KIF1C: variants seen among roughly 807,000 people sequenced by gnomAD.
KIF1C encodes kinesin-like protein KIF1C.
A neutral mutation model predicts 126.5 loss-of-function variants in KIF1C; 61 were observed. That is an observed-to-expected ratio of 0.48 (90% CI 0.39 to 0.60). The LOEUF (loss-of-function observed/expected upper bound fraction) is 0.60. Ranked by LOEUF, KIF1C falls within the 20% of genes least tolerant of loss-of-function variation. KIF1C has a pLI of 0.00. For synonymous variants in KIF1C, 640 were observed against 580.6 expected (o/e 1.10, Z -1.47); for missense variants, 1,315 against 1,489.2 (o/e 0.88, Z 1.93).
intron 11 of KIF1C, 58 bp downstream of exon 11, chr17:5,004,131 T>C: frequency 5.0e-6 from 6 of 1,203,944 alleles, no homozygotes; most frequent in Non-Finnish European, 7.4e-6. Context: ...ACTCTTTTGA[T>C]ACATCTGACA....
Position 5,004,030 on chromosome 17 carries a change from C to T in KIF1C, c.897C>T (p.Pro299=). The T allele has an allele frequency of 6.2e-7, 1 of 1,614,086 alleles. No homozygotes were observed. Among genetic ancestry groups the T allele is most frequent in the Non-Finnish European group, 8.5e-7 (1 of 1,179,992 alleles). The change falls in exon 11 of 23, where the codon CCC becomes CCT. Residue 299 remains proline (P), a synonymous_variant. Coordinates refer to ENST00000320785, the MANE Select transcript of KIF1C (RefSeq NM_006612.6). ...QSKKRKSDFI[P]YRDSVLTWLL... is the part of the protein sequence containing the mutation. The stretch of plus-strand genomic sequence containing the variant: ...AGAAGCGAAAGTCGGATTTTATCCC[C>T]TACAGGGACTCTGTGCTCACCTGGC...
Position 5,023,772 on chromosome 17 carries a change from G to C in KIF1C, c.2933G>C (p.Arg978Pro). ...RFVPPHDCKLRFPFKSNPQHR... is the reference protein window; with the variant it reads ...RFVPPHDCKLPFPFKSNPQHR... ...GTGCCCCCTCACGACTGCAAGCTAC[G>C]CTTCCCCTTCAAGAGCAACCCCCAG... The change falls in exon 23 of 23, where the codon CGC (arginine) becomes CCC (proline). Residue 978 changes from arginine (R) to proline (P), a missense_variant. Around this residue, in one of 2 missense-constraint regions of KIF1C, gnomAD observed 441 missense variants for 436.1 expected, o/e 1.01. Coordinates refer to ENST00000320785, the MANE Select transcript of KIF1C (RefSeq NM_006612.6). The surrounding 1 kb of genome is among the most constrained non-coding windows in gnomAD (Gnocchi z 4.2). 6.6e-7 allele frequency: 1 copy of C among 1,522,352 alleles called. No individual in the cohort carries two copies. The highest frequency in any genetic ancestry group is 1.3e-5 in the South Asian group (1 of 75,680). 94.3% of individuals were successfully genotyped at this position (1,522,352 alleles called of 1,614,324 possible).
In KIF1C at chr17:5,026,814, A is replaced by T. The variant is rs1327270017; in HGVS notation, c.*2663A>T. ...CTTTAATAATGTGCACGGGCCAGGC[A>T]CAGTGGCTCACACCCGTAATCCCAA... On this transcript the variant is annotated 3_prime_UTR_variant, in exon 23 of 23. Transcript: ENST00000320785. 6.6e-6 allele frequency: 1 copy of T among 151,318 alleles called. No individual in the cohort carries two copies. Among genetic ancestry groups the T allele is most frequent in the Non-Finnish European group, 1.5e-5 (1 of 67,938 alleles). The allele number at this position is 151,318 out of a possible 1,614,324, so 9.4% of individuals were successfully genotyped here. A position where few individuals can be genotyped will look rare whatever the true frequency, so the allele number is the denominator to read the frequency against.
At chr17:5,013,060 T>G (rs890574519) in intron 16 of KIF1C, among the ~76,000 whole-genome samples, 2 of 152,192 alleles carry the variant, frequency 1.3e-5, no homozygotes, top group African/African-American at 4.8e-5. Context: ...ATGAGTCTGC[T>G]TCGAGAAACA....
intron 8 of KIF1C, among the ~76,000 whole-genome samples, chr17:5,003,161 C>T (rs1974644391): frequency 6.6e-6 from 1 of 152,078 alleles, no homozygotes; most frequent in African/African-American, 2.4e-5. Context: ...TCTCCTGCCT[C>T]AGCCTCCCGA....
intron 13 of KIF1C, among the ~76,000 whole-genome samples, chr17:5,005,357 C>T (rs1597846996): frequency 6.6e-6 from 1 of 152,212 alleles, no homozygotes; most frequent in East Asian, 1.9e-4. Flanking sequence ...TGCAAAACGT[C>T]AGAGTTGAAG....
Position 5,023,587 on chromosome 17 carries a change from A to G in KIF1C, c.2748A>G (p.Pro916=), listed in dbSNP as rs346828. The G allele has an allele frequency of 0.72, 1,155,767 of 1,613,210 alleles. 416,215 individuals are homozygous for G. The highest frequency in any genetic ancestry group is 0.81 in the South Asian group (73,332 of 91,056). ...TGCCGTCAGCCCGGCCCCCCTCGCC[A>G]CCACTGTCAAGCTGGGAGCGGGTGT... ...DRMPSARPPS[P]PLSSWERVSR... Residue 916 remains proline, a synonymous_variant, in exon 23 of 23, where the codon CCA becomes CCG. Transcript: ENST00000320785. This position sits in a 1 kb window ranked among gnomAD's most constrained non-coding sequence, Gnocchi z 4.2.
Position 5,027,023 on chromosome 17 carries a change from T to A in KIF1C, c.*2872T>A, listed in dbSNP as rs1975219318. 1 of 152,240 alleles carries A rather than the reference T, an allele frequency of 6.6e-6. No individual in the cohort carries two copies. The highest frequency in any genetic ancestry group is 1.5e-5 in the Non-Finnish European group (1 of 68,036). The allele number at this position is 152,240 out of a possible 1,614,324, so 9.4% of individuals were successfully genotyped here. Reference sequence around the variant, plus strand: ...GTTTATTTTTCATCTGTGCTACCTGTGCCGGCATTCCATATGCATTTGATT... The same window carrying A: ...GTTTATTTTTCATCTGTGCTACCTGAGCCGGCATTCCATATGCATTTGATT... On this transcript the variant is annotated 3_prime_UTR_variant, in exon 23 of 23. Transcript: ENST00000320785.
At position 5,001,273 on chromosome 17, in the gene KIF1C, G is replaced by A. The variant is rs1017623562; in HGVS notation, c.235G>A (p.Glu79Lys). 6.2e-7 allele frequency: 1 copy of A among 1,614,174 alleles called. No homozygotes were observed. Among genetic ancestry groups the A allele is most frequent in the Non-Finnish European group, 8.5e-7 (1 of 1,179,998 alleles). Residue 79 changes from glutamate to lysine, a missense_variant, in exon 5 of 23, where the codon GAA becomes AAA. By Grantham distance (56) the Glu-to-Lys change is moderately conservative. Around this residue, in one of 2 missense-constraint regions of KIF1C, gnomAD observed 874 missense variants for 1,053.2 expected, o/e 0.83. Coordinates refer to ENST00000320785, the MANE Select transcript of KIF1C (RefSeq NM_006612.6). ...SQQQVYRDIG[E>K]EMLLHAFEGY... ...GCAGCAAGTGTATCGGGACATTGGA[G>A]AAGAGATGCTGCTCCACGCCTTTGA... is the stretch of plus-strand genomic sequence containing the variant.
chr17:5,021,105 C>T (rs1163981094), intron 21 of KIF1C, among the ~76,000 whole-genome samples: 3 of 150,692 alleles, frequency 2.0e-5, no homozygotes, highest in Non-Finnish European at 2.9e-5. Flanking sequence ...TCCAGTTTCT[C>T]GTGCCAAGTT....
Position 5,007,269 on chromosome 17 carries a change from G to A in KIF1C, c.1342G>A (p.Glu448Lys), listed in dbSNP as rs1974757510. The change falls in exon 15 of 23, where the codon GAG becomes AAG. Residue 448 changes from glutamate to lysine, a missense_variant. Physicochemically the swap from Glu to Lys is moderately conservative, Grantham distance 56. Around this residue, in one of 2 missense-constraint regions of KIF1C, gnomAD observed 874 missense variants for 1,053.2 expected, o/e 0.83. Coordinates refer to ENST00000320785, the MANE Select transcript of KIF1C (RefSeq NM_006612.6). ...EEAMERLQET[E>K]KIIAELNETW... is the part of the protein sequence containing the mutation. ...ACCCACCTTACGCCCCCAGGAGACA[G>A]AGAAGATTATAGCTGAGCTGAACGA... 1 of 1,608,500 alleles carries A rather than the reference G, an allele frequency of 6.2e-7. No homozygotes were observed. Among genetic ancestry groups the A allele is most frequent in the Non-Finnish European group, 8.5e-7 (1 of 1,177,376 alleles).
At position 5,007,082 on chromosome 17, in the gene KIF1C, C is replaced by T. The variant is rs1395201005; in HGVS notation, c.1333C>T (p.Gln445Ter). The change falls in exon 14 of 23, where the codon CAG becomes TAG. Residue 445 changes from glutamine (Q) to a stop codon, truncating the protein, a stop_gained and splice_region_variant. Coordinates refer to ENST00000320785, the MANE Select transcript of KIF1C (RefSeq NM_006612.6). LOFTEE classifies it high-confidence loss of function. ...GCCTGAGGAAGCCATGGAGAGGCTG[C>T]AGGTGGGAAGCTGGAGCTGGCAAGG... ...IGPEEAMERL[Q>*]ETEKIIAELN... 2 of 1,586,206 alleles carry T rather than the reference C, an allele frequency of 1.3e-6. No individual in the cohort carries two copies. Among genetic ancestry groups the T allele is most frequent in the Non-Finnish European group, 1.7e-6 (2 of 1,169,228 alleles).
At chr17:5,001,852 T>C (rs1249037312) in intron 5 of KIF1C, among the ~76,000 whole-genome samples, 1 of 152,240 alleles carries the variant, frequency 6.6e-6, no homozygotes, top group Non-Finnish European at 1.5e-5. Flanking sequence ...GTTTGCACCC[T>C]GGCTGGCTGA....
At chr17:5,007,407 A>G (rs895637254) in intron 15 of KIF1C, 60 bp from the exon 16 acceptor site, 7 of 1,610,090 alleles carry the variant, frequency 4.3e-6, no homozygotes, top group Non-Finnish European at 5.9e-6. Flanking sequence ...CAGGCCCCAC[A>G]GGGAAGGAGG....
intron 8 of KIF1C, among the ~76,000 whole-genome samples, chr17:5,003,256 A>G (rs1974647029): frequency 6.6e-6 from 1 of 152,038 alleles, no homozygotes; most frequent in African/African-American, 2.4e-5. Flanking sequence ...CATGTTGGCC[A>G]GGCTGGTCTT....
Position 5,012,574 on chromosome 17 carries a change from C to T in KIF1C, c.1492-1079C>T, listed in dbSNP as rs563213918. The stretch of plus-strand genomic sequence containing the variant: ...GGGGAAAAAGTAGGCTCAAGTCCAG[C>T]GGGCCTGGGGTTCCAGCTGGAGAGG... On this transcript the variant is annotated intron_variant, in intron 16 of 22. Coordinates refer to ENST00000320785, the MANE Select transcript of KIF1C (RefSeq NM_006612.6). 5.9e-4 allele frequency among the ~76,000 whole-genome samples: 89 copies of T among 151,912 alleles called. 3 individuals are homozygous for T. The South Asian group carries it at 0.017, about 29-fold the overall frequency.
Position 5,002,590 on chromosome 17 carries a change from GTGACCTCCTACGCAGACA to G in KIF1C, c.558_575del (p.Thr187_Ile192del). Reference sequence around the variant, plus strand: ...CGTGCAGGACCTGTCCAAATTGGCTGTGACCTCCTACGCAGACATTGCTGACCTCATGGACTGTGGAAA... The same window carrying G: ...CGTGCAGGACCTGTCCAAATTGGCTGTTGCTGACCTCATGGACTGTGGAAA... On this transcript the variant is annotated inframe_deletion, in exon 7 of 23. Coordinates refer to ENST00000320785, the MANE Select transcript of KIF1C (RefSeq NM_006612.6). The G allele has an allele frequency of 1.2e-6, 2 of 1,614,044 alleles. No individual in the cohort carries two copies. The highest frequency in any genetic ancestry group is 1.7e-6 in the Non-Finnish European group (2 of 1,179,898).
At chr17:5,007,119 G>C in intron 14 of KIF1C, 35 bp downstream of exon 14, 17 of 1,580,216 alleles carry the variant, frequency 1.1e-5, no homozygotes, top group Non-Finnish European at 1.5e-5. Flanking sequence ...CTGGGGGTCT[G>C]GGCATTCCTG....
intron 21 of KIF1C, among the ~76,000 whole-genome samples, chr17:5,021,487 A>G (rs1224548347): frequency 1.3e-5 from 2 of 149,094 alleles, no homozygotes; most frequent in African/African-American, 5.0e-5. Context: ...TGGACTTTCT[A>G]TTTTGTTTTT....
Sources: gnomAD v4.1 joint callset for allele counts (sites outside exome capture counted in the v4.1 genomes callset) on GRCh38, gnomAD v4.1.1 for gene constraint, gnomAD v4.1.1 regional missense constraint, Gnocchi (gnomAD v3.1) non-coding constraint, MANE v1.5 for transcripts, NCBI Gene and HGNC (gene_info 2026-07-23, HGNC 2026-07-21) for gene names.